Variants in LOX observed in about 807,000 individuals in gnomAD.
LOX encodes the protein lysyl oxidase, also known as protein-lysine 6-oxidase.
In LOX, 12 loss-of-function variants were observed where a neutral mutation model predicts 50.5. That is an observed-to-expected ratio of 0.24 (90% CI 0.15 to 0.38). The LOEUF (loss-of-function observed/expected upper bound fraction) is 0.38. LOX is among the 10% of genes least tolerant of loss of function. LOX has a pLI of 1.00. For synonymous variants in LOX, 254 were observed against 230.6 expected, an observed-to-expected ratio of 1.10 and a Z score of -0.92; for missense variants, 504 against 563.8, an observed-to-expected ratio of 0.89 and a Z score of 1.07.
chr5:122,066,445 G>A lies in LOX; in HGVS notation c.*298C>T, dbSNP rs1475253972. On this transcript the variant is annotated 3_prime_UTR_variant, in exon 7 of 7. Coordinates refer to ENST00000231004, the MANE Select transcript of LOX (RefSeq NM_002317.7). ...CCATTTTGCACTACAATTTCAAAAG[G>A]AACATGAGAAATTTGGATTTCTTTG... The A allele has an allele frequency of 6.1e-6, 2 of 329,732 alleles. No homozygotes were observed. The highest frequency in any genetic ancestry group is 5.6e-6 in the Non-Finnish European group (1 of 179,410). 20.4% of individuals were successfully genotyped at this position (329,732 alleles called of 1,614,324 possible).
In LOX at chr5:122,064,015, T is replaced by G. The variant is rs1425113559; in HGVS notation, c.*2728A>C. ...TATGCTAGCCTCAGAGGTCAAGACA[T>G]CTTTAACCCAGACTGTGGTCTGAAT... On this transcript the variant is annotated 3_prime_UTR_variant, in exon 7 of 7. Transcript: ENST00000231004. 2 of 151,900 alleles carry G rather than the reference T, an allele frequency of 1.3e-5. No homozygotes were observed. The highest frequency in any genetic ancestry group is 6.6e-5 in the Admixed American group (1 of 15,196). 9.4% of individuals were successfully genotyped at this position (151,900 alleles called of 1,614,324 possible). A position where few individuals can be genotyped will look rare whatever the true frequency, so the allele number is the denominator to read the frequency against.
chr5:122,077,717 G>T lies in LOX; in HGVS notation c.269C>A (p.Pro90Gln). Residue 90 changes from proline (P) to glutamine (Q), a missense_variant, in exon 1 of 7, where the codon CCG becomes CAG. By Grantham distance (76) the Pro-to-Gln change is moderately conservative. This residue lies in a region of LOX where 398 missense variants were observed against 365.8 expected (regional missense o/e 1.09). Coordinates refer to ENST00000231004, the MANE Select transcript of LOX (RefSeq NM_002317.7). The surrounding 1 kb of genome is among the most constrained non-coding windows in gnomAD (Gnocchi z 4.9). ...GCGGTTGTCGCGGATCAGCAGGATCGGAGTGCGGGGCTGCTGGGCGGAGGC... is the reference window on the plus strand; with the variant it reads ...GCGGTTGTCGCGGATCAGCAGGATCTGAGTGCGGGGCTGCTGGGCGGAGGC... ...ANASAQQPRT[P>Q]ILLIRDNRTA... 6.3e-7 allele frequency: 1 copy of T among 1,586,422 alleles called. No homozygotes were observed. The highest frequency in any genetic ancestry group is 1.3e-5 in the African/African-American group (1 of 74,620).
chr5:122,071,074 T>C (rs1388050552), intron 4 of LOX, among the ~76,000 whole-genome samples: 4 of 152,158 alleles, frequency 2.6e-5, no homozygotes, highest in Non-Finnish European at 5.9e-5. Context: ...TATAACATGC[T>C]ATGTAAGAAT....
chr5:122,076,096 A>G (rs924695842), intron 2 of LOX: 1 of 152,244 alleles, frequency 6.6e-6, no homozygotes, highest in East Asian at 1.9e-4. Flanking sequence ...AGGGAGTTCA[A>G]TGGTGTGAGT....
Position 122,078,217 on chromosome 5 carries a change from C to T in LOX, c.-232G>A, listed in dbSNP as rs1242754962. On this transcript the variant is annotated 5_prime_UTR_variant, in exon 1 of 7. Coordinates refer to ENST00000231004, the MANE Select transcript of LOX (RefSeq NM_002317.7). ...TTTCCCCTTTCTCAGTCCTGGAAGG[C>T]AACGGGGAGCGGCGCGGCAGTCCCG... 2 of 418,914 alleles carry T rather than the reference C, an allele frequency of 4.8e-6. No homozygotes were observed. The highest frequency in any genetic ancestry group is 4.1e-6 in the Non-Finnish European group (1 of 242,116). 25.9% of individuals were successfully genotyped at this position (418,914 alleles called of 1,614,324 possible).
intron 3 of LOX, 69 bp downstream of exon 3, chr5:122,075,335 T>A: frequency 7.3e-7 from 1 of 1,379,214 alleles, no homozygotes; most frequent in Non-Finnish European, 9.8e-7. Context: ...AGACTTGCAT[T>A]TGTGATATCA....
rs573977919 is a variant in LOX, at chr5:122,063,957, C to G, written c.*2786G>C. On this transcript the variant is annotated 3_prime_UTR_variant, in exon 7 of 7. Coordinates refer to ENST00000231004, the MANE Select transcript of LOX (RefSeq NM_002317.7). ...TATTCTATAAAAATATACAGATTTTCTGGAAATAGGCAAGTTGTATTCTCA... is the reference window on the plus strand; with the variant it reads ...TATTCTATAAAAATATACAGATTTTGTGGAAATAGGCAAGTTGTATTCTCA... 4 of 151,992 alleles carry G rather than the reference C, an allele frequency of 2.6e-5. No individual in the cohort carries two copies. The East Asian group carries it at 7.7e-4, about 29-fold the overall frequency. The allele number at this position is 151,992 out of a possible 1,614,324, so 9.4% of individuals were successfully genotyped here.
At position 122,077,586 on chromosome 5, in the gene LOX, C is replaced by G. The variant is rs1270452682; in HGVS notation, c.400G>C (p.Ala134Pro). The G allele has an allele frequency of 6.2e-7, 1 of 1,612,714 alleles. No homozygotes were observed. The highest frequency in any genetic ancestry group is 1.3e-5 in the African/African-American group (1 of 75,050). ...GCGCGCGAGGCGCCAGCTTCGCGGGCTCTAGATGTCGAGTAGCCAGCTTGG... is the reference window on the plus strand; with the variant it reads ...GCGCGCGAGGCGCCAGCTTCGCGGGGTCTAGATGTCGAGTAGCCAGCTTGG... ...WFQAGYSTSR[A>P]REAGASRAEN... The change falls in exon 1 of 7, where the codon GCC (alanine) becomes CCC (proline). Residue 134 changes from alanine (A) to proline (P), a missense_variant. Ala to Pro is a conservative substitution (Grantham distance 27). Transcript: ENST00000231004. The surrounding 1 kb of genome is among the most constrained non-coding windows in gnomAD (Gnocchi z 4.9).
chr5:122,077,487 C>A lies in LOX; in HGVS notation c.499G>T (p.Val167Leu), dbSNP rs756582597. 6.2e-7 allele frequency: 1 copy of A among 1,613,834 alleles called. No individual in the cohort carries two copies. The highest frequency in any genetic ancestry group is 1.3e-5 in the African/African-American group (1 of 74,938). The change falls in exon 1 of 7, where the codon GTG (valine) becomes TTG (leucine). Residue 167 changes from valine to leucine, a missense_variant. By Grantham distance (32) the Val-to-Leu change is conservative. Around this residue, in one of 2 missense-constraint regions of LOX, gnomAD observed 398 missense variants for 365.8 expected, o/e 1.09. Coordinates refer to ENST00000231004, the MANE Select transcript of LOX (RefSeq NM_002317.7). This position sits in a 1 kb window ranked among gnomAD's most constrained non-coding sequence, Gnocchi z 4.9. Reference protein sequence around the residue: ...LRPPSRVDGMVGDDPYNPYKY... With the variant: ...LRPPSRVDGMLGDDPYNPYKY... ...TAGGGGTTGTAAGGGTCGTCGCCCA[C>A]CATGCCGTCCACGCGGCTGGGCGGC...
rs149104138 is a variant in LOX at position 122,074,167 on chromosome 5, T to C, written c.881A>G (p.His294Arg). The C allele has an allele frequency of 6.2e-7, 1 of 1,611,356 alleles. No homozygotes were observed. Among genetic ancestry groups the C allele is most frequent in the African/African-American group, 1.3e-5 (1 of 75,032 alleles). The change falls in exon 4 of 7, where the codon CAT (histidine) becomes CGT (arginine). Residue 294 changes from histidine (H) to arginine (R), a missense_variant and splice_region_variant. Physicochemically the swap from His to Arg is conservative, Grantham distance 29. Transcript: ENST00000231004. ...YSWEWHSCHQHYHSMDEFSHY... is the reference protein window; with the variant it reads ...YSWEWHSCHQRYHSMDEFSHY... ...GCTAAACTCATCCATACTGTGGTAA[T>C]GTCTGATGTCCCACAAAACAAAAAG...
chr5:122,076,943 C>A lies in LOX; in HGVS notation c.690G>T (p.Lys230Asn). 1 of 1,614,100 alleles carries A rather than the reference C, an allele frequency of 6.2e-7. No individual in the cohort carries two copies. Among genetic ancestry groups the A allele is most frequent in the Non-Finnish European group, 8.5e-7 (1 of 1,180,032 alleles). ...YYIQASTYVQ[K>N]MSMYNLRCAA... ...CGCATCTCAGGTTGTACATGGACAT[C>A]TTCTGCACGTACGTGGACGCCTGGA... The change falls in exon 2 of 7, where the codon AAG becomes AAT. Residue 230 changes from lysine to asparagine, a missense_variant. This residue lies in a region of LOX where 398 missense variants were observed against 365.8 expected (regional missense o/e 1.09). Transcript: ENST00000231004.
In LOX at chr5:122,065,988, A is replaced by G. The variant is rs962563008; in HGVS notation, c.*755T>C. On this transcript the variant is annotated 3_prime_UTR_variant, in exon 7 of 7. Transcript: ENST00000231004. ...AATCCCACTTACAACATCTCTGCCC[A>G]TGGGAAAGATAAAATGATAGAGGGC... 3 of 152,106 alleles carry G rather than the reference A, an allele frequency of 2.0e-5. No individual in the cohort carries two copies. Among genetic ancestry groups the G allele is most frequent in the African/African-American group, 7.2e-5 (3 of 41,436 alleles). The allele number at this position is 152,106 out of a possible 1,614,324, so 9.4% of individuals were successfully genotyped here.
chr5:122,077,772 G>A lies in LOX; in HGVS notation c.214C>T (p.Pro72Ser). ...GCTGCACCAGGGACGGCGGCGCCCG[G>A]GTCCCGGCGGCGCTGAGGCTGGTAC... ...SQYQPQRRRD[P>S]GAAVPGAANA... The change falls in exon 1 of 7, where the codon CCG (proline) becomes TCG (serine). Residue 72 changes from proline (P) to serine (S), a missense_variant. Around this residue, in one of 2 missense-constraint regions of LOX, gnomAD observed 398 missense variants for 365.8 expected, o/e 1.09. Coordinates refer to ENST00000231004, the MANE Select transcript of LOX (RefSeq NM_002317.7). This position sits in a 1 kb window ranked among gnomAD's most constrained non-coding sequence, Gnocchi z 4.9. 6.5e-7 allele frequency: 1 copy of A among 1,549,558 alleles called. No homozygotes were observed. Among genetic ancestry groups the A allele is most frequent in the Non-Finnish European group, 8.7e-7 (1 of 1,152,020 alleles).
intron 6 of LOX, among the ~76,000 whole-genome samples, chr5:122,068,794 C>G (rs2152586256): frequency 6.6e-6 from 1 of 152,024 alleles, no homozygotes; most frequent in Admixed American, 6.5e-5. Context: ...CATCAACAAA[C>G]AGTACAAAAA....
chr5:122,068,794 CAG>C (rs1754371551), intron 6 of LOX, among the ~76,000 whole-genome samples: 2 of 151,906 alleles, frequency 1.3e-5, no homozygotes, highest in South Asian at 2.1e-4. Context: ...CATCAACAAA[CAG>C]TACAAAAATG....
In LOX at chr5:122,077,503, G is replaced by A; in HGVS notation, c.483C>T (p.Ser161=). 1.2e-6 allele frequency: 2 copies of A among 1,613,800 alleles called. No homozygotes were observed. Among genetic ancestry groups the A allele is most frequent in the Non-Finnish European group, 1.7e-6 (2 of 1,180,004 alleles). ...CGTCGCCCACCATGCCGTCCACGCG[G>A]CTGGGCGGCCGCAGGTTACTGAGCG... ...VPALSNLRPP[S]RVDGMVGDDP... Residue 161 remains serine (S), a synonymous_variant, in exon 1 of 7, where the codon AGC becomes AGT. Coordinates refer to ENST00000231004, the MANE Select transcript of LOX (RefSeq NM_002317.7). The surrounding 1 kb of genome is among the most constrained non-coding windows in gnomAD (Gnocchi z 4.9).
rs1033700877 is a variant in LOX, at chr5:122,065,571, T to G, written c.*1172A>C. 10 of 152,056 alleles carry G rather than the reference T, an allele frequency of 6.6e-5. No individual in the cohort carries two copies. Among genetic ancestry groups the G allele is most frequent in the Non-Finnish European group, 1.0e-4 (7 of 67,962 alleles). The allele number at this position is 152,056 out of a possible 1,614,324, so 9.4% of individuals were successfully genotyped here. ...CCTTTGTTCACCAACCCCTCAAGTA[T>G]GTAATACTATGTGCTTTGCTAATTT... is the stretch of plus-strand genomic sequence containing the variant. On this transcript the variant is annotated 3_prime_UTR_variant, in exon 7 of 7. Transcript: ENST00000231004.
chr5:122,072,385 T>C (rs547717340), intron 4 of LOX, among the ~76,000 whole-genome samples: 1 of 152,350 alleles, frequency 6.6e-6, no homozygotes, highest in Non-Finnish European at 1.5e-5. Flanking sequence ...TGAGGCTCTC[T>C]AAATCAGCAA....
Position 122,078,245 on chromosome 5 carries a change from G to A in LOX, c.-260C>T, listed in dbSNP as rs1754700158. ...CGGGGAGCGGCGCGGCAGTCCCGGA[G>A]AGCGGGCAGTGTCTGGAGTGAAGGA... On this transcript the variant is annotated 5_prime_UTR_variant, in exon 1 of 7. Transcript: ENST00000231004. 1 of 403,614 alleles carries A rather than the reference G, an allele frequency of 2.5e-6. No homozygotes were observed. Among genetic ancestry groups the A allele is most frequent in the Admixed American group, 4.5e-5 (1 of 22,080 alleles). The allele number at this position is 403,614 out of a possible 1,614,324, so 25.0% of individuals were successfully genotyped here.
Sources: gnomAD v4.1 joint callset for allele counts (sites outside exome capture counted in the v4.1 genomes callset) on GRCh38, gnomAD v4.1.1 for gene constraint, gnomAD v4.1.1 regional missense constraint, Gnocchi (gnomAD v3.1) non-coding constraint, MANE v1.5 for transcripts, NCBI Gene and HGNC (gene_info 2026-07-23, HGNC 2026-07-21) for gene names.